GABBR2: variants seen among roughly 807,000 people sequenced by gnomAD.
The protein encoded by GABBR2 is gamma-aminobutyric acid type B receptor subunit 2.
In GABBR2, 23 loss-of-function variants were observed where a neutral mutation model predicts 105.6. The observed-to-expected ratio is 0.22, with a 90% CI of 0.16 to 0.31. The LOEUF is 0.31. Among genes scored for constraint, GABBR2 ranks in the 10% least tolerant of loss-of-function variants. The probability of loss-of-function intolerance (pLI) is 1.00; values close to 1 mark genes in which losing one functional copy is unlikely to be tolerated. For missense variants in GABBR2, 734 were observed against 1,245.5 expected, an observed-to-expected ratio of 0.59 and a Z score of 6.18; for synonymous variants, 478 against 499.7, an observed-to-expected ratio of 0.96 and a Z score of 0.58.
chr9:98,465,268 G>A (rs1305197940), intron 6 of GABBR2, among the ~76,000 whole-genome samples: 2 of 151,944 alleles, frequency 1.3e-5, no homozygotes, highest in Admixed American at 6.5e-5. Flanking sequence ...TAATATGGCG[G>A]CACAGTGTGG....
intron 1 of GABBR2, among the ~76,000 whole-genome samples, chr9:98,635,311 G>A (rs551784048): frequency 5.3e-5 from 8 of 152,316 alleles, no homozygotes; most frequent in African/African-American, 1.7e-4. Context: ...AGTTCAGGAA[G>A]AGTGGTCCCT....
chr9:98,426,058 G>A (rs1242924053), intron 7 of GABBR2, among the ~76,000 whole-genome samples: 2 of 152,214 alleles, frequency 1.3e-5, no homozygotes, highest in Admixed American at 1.3e-4. Context: ...CATACATAGG[G>A]CTGTGAGGAG....
chr9:98,641,573 C>A (rs1389388659), intron 1 of GABBR2, among the ~76,000 whole-genome samples: 1 of 152,192 alleles, frequency 6.6e-6, no homozygotes, highest in African/African-American at 2.4e-5. Flanking sequence ...GTACATAAAG[C>A]AACGGGCATG....
chr9:98,303,178 G>A (rs1830496375), intron 16 of GABBR2, 63 bp downstream of exon 16: 13 of 1,369,412 alleles, frequency 9.5e-6, no homozygotes, highest in South Asian at 1.2e-5. Context: ...GAGAGTCCCC[G>A]CACAGGGTTA....
In GABBR2 at chr9:98,536,689, C is replaced by T. The variant is rs182774265; in HGVS notation, c.630+5184G>A. Among the ~76,000 whole-genome samples the T allele has an allele frequency of 5.1e-3, 778 of 152,254 alleles. 9 individuals carry two copies. The highest frequency in any genetic ancestry group is 0.018 in the African/African-American group (749 of 41,544). ...CACACATCACCAGGGTCTGGACTCTCGGTACTTATGCCCCTCTTCTGGCTC... is the reference window on the plus strand; with the variant it reads ...CACACATCACCAGGGTCTGGACTCTTGGTACTTATGCCCCTCTTCTGGCTC... On this transcript the variant is annotated intron_variant, in intron 3 of 18. Coordinates refer to ENST00000259455, the MANE Select transcript of GABBR2 (RefSeq NM_005458.8).
intron 14 of GABBR2, among the ~76,000 whole-genome samples, chr9:98,307,505 G>A (rs114861672): frequency 0.019 from 2,910 of 152,222 alleles, 91 homozygotes; most frequent in African/African-American, 0.065. Flanking sequence ...AGCTTCAGGC[G>A]TCTGACAGCT....
intron 1 of GABBR2, among the ~76,000 whole-genome samples, chr9:98,661,743 T>G (rs1414366031): frequency 6.6e-6 from 1 of 152,184 alleles, no homozygotes; most frequent in East Asian, 1.9e-4. Flanking sequence ...ACTGCCCAAA[T>G]TATCCATTTT....
chr9:98,293,435 T>A (rs1830332176), intron 18 of GABBR2, among the ~76,000 whole-genome samples: 1 of 152,206 alleles, frequency 6.6e-6, no homozygotes. Context: ...ATGCCTGACA[T>A]ACAGGAGGTC....
intron 8 of GABBR2, among the ~76,000 whole-genome samples, chr9:98,405,869 A>G (rs1234306296): frequency 6.6e-6 from 1 of 152,200 alleles, no homozygotes; most frequent in Non-Finnish European, 1.5e-5. Context: ...CGTGGAACCC[A>G]TGGAGATGGA....
intron 13 of GABBR2, among the ~76,000 whole-genome samples, chr9:98,329,006 C>A (rs1830975366): frequency 6.6e-6 from 1 of 152,192 alleles, no homozygotes. Context: ...CTAGACATAG[C>A]ACCTGTCTCA....
At chr9:98,447,060 CTTCTT>C (rs1195104184) in intron 7 of GABBR2, among the ~76,000 whole-genome samples, 1 of 115,874 alleles carries the variant, frequency 8.6e-6, no homozygotes, top group Non-Finnish European at 1.7e-5. Context: ...CTAAAAAAGA[CTTCTT>C]TTTTTTTTTT....
intron 7 of GABBR2, among the ~76,000 whole-genome samples, chr9:98,413,957 A>G (rs1161263980): frequency 6.6e-6 from 1 of 152,258 alleles, no homozygotes; most frequent in Non-Finnish European, 1.5e-5. Context: ...AAATTTTAAT[A>G]CAGACACATG....
chr9:98,426,388 C>T (rs1297908447), intron 7 of GABBR2, among the ~76,000 whole-genome samples: 3 of 152,204 alleles, frequency 2.0e-5, no homozygotes. Flanking sequence ...CTGCATCTGC[C>T]AGTGTGTGTA....
chr9:98,559,974 A>AC, intron 2 of GABBR2, among the ~76,000 whole-genome samples: 1 of 141,092 alleles, frequency 7.1e-6, no homozygotes, highest in South Asian at 2.2e-4. Flanking sequence ...AATGAGGAAC[A>AC]AACACACACA....
chr9:98,440,413 T>A (rs1826010006), intron 7 of GABBR2, among the ~76,000 whole-genome samples: 1 of 152,112 alleles, frequency 6.6e-6, no homozygotes, highest in Non-Finnish European at 1.5e-5. Flanking sequence ...GATGAGAACC[T>A]AGGAATTCTG....
At chr9:98,381,391 C>G (rs373478229) in intron 11 of GABBR2, among the ~76,000 whole-genome samples, 1 of 152,258 alleles carries the variant, frequency 6.6e-6, no homozygotes, top group East Asian at 1.9e-4. Context: ...TTGCTGGGAG[C>G]AGCCTTCTAG....
chr9:98,595,468 T>C (rs1829221371), intron 1 of GABBR2, among the ~76,000 whole-genome samples: 1 of 150,646 alleles, frequency 6.6e-6, no homozygotes, highest in Admixed American at 6.6e-5. Flanking sequence ...CCACCAGATG[T>C]AGTGCCAGGA....
At chr9:98,642,748 C>T (rs183806066) in intron 1 of GABBR2, among the ~76,000 whole-genome samples, 12 of 152,228 alleles carry the variant, frequency 7.9e-5, no homozygotes, top group East Asian at 5.8e-4. Context: ...TAGGCGTGCG[C>T]GTGTGTGTGT....
At chr9:98,639,622 C>A (rs1326270801) in intron 1 of GABBR2, among the ~76,000 whole-genome samples, 1 of 151,404 alleles carries the variant, frequency 6.6e-6, no homozygotes, top group Non-Finnish European at 1.5e-5. Context: ...AATTCAAATA[C>A]AAGACCCACT....
Sources: allele counts gnomAD v4.1 joint callset (sites outside exome capture counted in the v4.1 genomes callset), GRCh38; gene constraint gnomAD v4.1.1; transcripts MANE v1.5; gene names NCBI Gene and HGNC (gene_info 2026-07-23, HGNC 2026-07-21).